The following ITFG1 variants were observed in gnomAD, a reference collection of about 807,000 sequenced individuals.
ITFG1 encodes the protein T-cell immunomodulatory protein.
Under a neutral mutation model 81.8 loss-of-function variants are expected in ITFG1, and 34 were observed. The observed-to-expected ratio is 0.42, with a 90% CI of 0.32 to 0.55. The LOEUF (loss-of-function observed/expected upper bound fraction) is 0.55. ITFG1 is among the 20% of genes least tolerant of loss of function. ITFG1 has a pLI of 0.17. For synonymous variants in ITFG1, 285 were observed against 270.6 expected, an observed-to-expected ratio of 1.05 and a Z score of -0.52; for missense variants, 672 against 755.4, an observed-to-expected ratio of 0.89 and a Z score of 1.29.
intron 7 of ITFG1, among the ~76,000 whole-genome samples, chr16:47,371,271 TA>T (rs1358807338): frequency 6.6e-6 from 1 of 152,228 alleles, no homozygotes; most frequent in African/African-American, 2.4e-5. Flanking sequence ...CTTGACTTAT[TA>T]AAAAATGTAT....
intron 12 of ITFG1, among the ~76,000 whole-genome samples, chr16:47,250,037 G>A (rs1287706410): frequency 6.6e-6 from 1 of 152,140 alleles, no homozygotes; most frequent in Non-Finnish European, 1.5e-5. Context: ...CTCTGAAAAT[G>A]TCTTTAAGCT....
intron 10 of ITFG1, among the ~76,000 whole-genome samples, chr16:47,285,472 G>A (rs1365140508): frequency 6.6e-6 from 1 of 152,144 alleles, no homozygotes; most frequent in South Asian, 2.1e-4. Context: ...ACCAAAGGAG[G>A]GGGTCATGGG....
chr16:47,317,028 C>T (rs1201567961), intron 8 of ITFG1, among the ~76,000 whole-genome samples: 1 of 152,114 alleles, frequency 6.6e-6, no homozygotes, highest in Non-Finnish European at 1.5e-5. Flanking sequence ...CTCAAAAACT[C>T]AAGAGAAACT....
rs141861864 is a variant in ITFG1 at position 47,278,269 on chromosome 16, A to G, written c.1071-17574T>C. ...ATAGTGGTGGAGTCGAGGAGAACAC[A>G]AGTCACAGGGGTCTCAGTTGTATCA... On this transcript the variant is annotated intron_variant, in intron 10 of 17. Coordinates refer to ENST00000320640, the MANE Select transcript of ITFG1 (RefSeq NM_030790.5). Among the ~76,000 whole-genome samples, 1,095 of 152,334 alleles carry G rather than the reference A, an allele frequency of 7.2e-3. 17 individuals carry two copies. The highest frequency in any genetic ancestry group is 0.025 in the African/African-American group (1,050 of 41,572).
chr16:47,411,910 T>A (rs1968816260), intron 6 of ITFG1, among the ~76,000 whole-genome samples: 1 of 152,180 alleles, frequency 6.6e-6, no homozygotes, highest in Non-Finnish European at 1.5e-5. Flanking sequence ...TGCCATCTAC[T>A]GCATAGCAAC....
At chr16:47,207,992 C>T (rs563209379) in intron 14 of ITFG1, among the ~76,000 whole-genome samples, 41 of 152,198 alleles carry the variant, frequency 2.7e-4, no homozygotes, top group Admixed American at 2.7e-3. Flanking sequence ...ATTATTGTCA[C>T]CATTTTACAG....
intron 6 of ITFG1, among the ~76,000 whole-genome samples, chr16:47,405,199 A>T (rs1480418369): frequency 6.6e-6 from 1 of 152,212 alleles, no homozygotes; most frequent in East Asian, 1.9e-4. Flanking sequence ...TGTAGAGAAT[A>T]CACATAGAAG....
At chr16:47,187,653 A>T (rs1965239010) in intron 14 of ITFG1, among the ~76,000 whole-genome samples, 2 of 151,000 alleles carry the variant, frequency 1.3e-5, no homozygotes, top group South Asian at 4.2e-4. Flanking sequence ...TAAAACCATA[A>T]AAACCCTAGA....
rs867440107 is a variant in ITFG1, at chr16:47,405,934, G to C, written c.655+22870C>G. Among the ~76,000 whole-genome samples the C allele has an allele frequency of 2.6e-5, 4 of 152,254 alleles. 1 individual carries two copies. The Middle Eastern group carries it at 0.014, about 518-fold the overall frequency. Reference sequence around the variant, plus strand: ...AGCAAGATGTAATATAGCTACAACAGAATATTTCTGTGAAGTTTCTCTCAG... The same window carrying C: ...AGCAAGATGTAATATAGCTACAACACAATATTTCTGTGAAGTTTCTCTCAG... On this transcript the variant is annotated intron_variant, in intron 6 of 17. Coordinates refer to ENST00000320640, the MANE Select transcript of ITFG1 (RefSeq NM_030790.5).
intron 6 of ITFG1, among the ~76,000 whole-genome samples, chr16:47,376,318 C>A (rs1439752261): frequency 6.6e-6 from 1 of 151,980 alleles, no homozygotes; most frequent in Non-Finnish European, 1.5e-5. Context: ...CAACACTTAC[C>A]TATATATCAT....
chr16:47,389,181 A>G (rs1247811843), intron 6 of ITFG1, among the ~76,000 whole-genome samples: 1 of 152,202 alleles, frequency 6.6e-6, no homozygotes, highest in African/African-American at 2.4e-5. Context: ...CTTATAAAAA[A>G]TACTAAAGTT....
chr16:47,439,948 G>C (rs1163767113), intron 5 of ITFG1, among the ~76,000 whole-genome samples: 1 of 151,650 alleles, frequency 6.6e-6, no homozygotes, highest in African/African-American at 2.4e-5. Context: ...CTCATCTCAC[G>C]TGCAGAGACA....
At position 47,260,631 on chromosome 16, in the gene ITFG1, G is replaced by A. The variant is rs1468220255; in HGVS notation, c.1135C>T (p.Arg379Ter). ...AGCTCCCAGTAGACTTTAAACATTCGACGCGCCTCTTCACAGCTTGCATTA... is the reference window on the plus strand; with the variant it reads ...AGCTCCCAGTAGACTTTAAACATTCAACGCGCCTCTTCACAGCTTGCATTA... Reference protein sequence around the residue: ...CNNASCEEARRMFKVYWELTD... With the variant: ...CNNASCEEAR Residue 379 changes from arginine to a stop codon, truncating the protein, a stop_gained, in exon 11 of 18, where the codon CGA (arginine) becomes TGA (stop). Coordinates refer to ENST00000320640, the MANE Select transcript of ITFG1 (RefSeq NM_030790.5). LOFTEE classifies it high-confidence loss of function. 4.3e-6 allele frequency: 7 copies of A among 1,614,064 alleles called. No individual in the cohort carries two copies. The highest frequency in any genetic ancestry group is 5.9e-6 in the Non-Finnish European group (7 of 1,179,972).
chr16:47,331,616 T>C (rs1424551026), intron 8 of ITFG1, among the ~76,000 whole-genome samples: 6 of 152,194 alleles, frequency 3.9e-5, no homozygotes, highest in African/African-American at 1.4e-4. Flanking sequence ...TCTATCTTTG[T>C]GAGATTTACC....
chr16:47,385,056 G>C (rs902023817), intron 6 of ITFG1, among the ~76,000 whole-genome samples: 15 of 152,226 alleles, frequency 9.9e-5, no homozygotes, highest in Admixed American at 7.2e-4. Flanking sequence ...AATTTGAGGA[G>C]GGCTTCACTG....
At chr16:47,177,887 C>T (rs1965050355) in intron 14 of ITFG1, among the ~76,000 whole-genome samples, 1 of 152,042 alleles carries the variant, frequency 6.6e-6, no homozygotes, top group Non-Finnish European at 1.5e-5. Context: ...ATATAGAGTA[C>T]AGTAATTGCT....
Position 47,460,965 on chromosome 16 carries a change from C to T in ITFG1, c.81G>A (p.Gly27=). The change falls in exon 1 of 18, where the codon GGG becomes GGA. Residue 27 remains glycine (G), a synonymous_variant. Transcript: ENST00000320640. ...TGTGCAGCGCCCGCGCTGGGACCGG[C>T]CCGACTCCCAGTAGTGCAAGCCCTG... The part of the protein sequence containing the change: ...LLAGLALLGV[G]PVPARALHNV... 1.2e-6 allele frequency: 2 copies of T among 1,603,386 alleles called. No homozygotes were observed. Among genetic ancestry groups the T allele is most frequent in the East Asian group, 4.5e-5 (2 of 44,426 alleles).
chr16:47,184,564 A>G (rs1422488952), intron 14 of ITFG1, among the ~76,000 whole-genome samples: 5 of 152,166 alleles, frequency 3.3e-5, no homozygotes, highest in African/African-American at 1.2e-4. Context: ...AATACTTTCC[A>G]GACAAGCAAA....
At chr16:47,314,980 G>A (rs1967330113) in intron 8 of ITFG1, among the ~76,000 whole-genome samples, 1 of 152,064 alleles carries the variant, frequency 6.6e-6, no homozygotes, top group Non-Finnish European at 1.5e-5. Flanking sequence ...TTTAGGCTGA[G>A]TGGAATTAAA....
Sources: allele counts gnomAD v4.1 joint callset (sites outside exome capture counted in the v4.1 genomes callset), GRCh38; gene constraint gnomAD v4.1.1; transcripts MANE v1.5; gene names NCBI Gene and HGNC (gene_info 2026-07-23, HGNC 2026-07-21).